Variants in CTNNA1 observed in about 807,000 individuals in gnomAD.
The protein encoded by CTNNA1 is catenin alpha-1.
CTNNA1 carries 37 observed loss-of-function variants against 98.4 expected under a neutral mutation model. That is an observed-to-expected ratio of 0.38 (90% CI 0.29 to 0.49). The LOEUF (loss-of-function observed/expected upper bound fraction) is 0.49, where lower values mean the gene tolerates loss of function less well. CTNNA1 is among the 20% of genes least tolerant of loss of function. CTNNA1 has a pLI of 0.95. For synonymous variants in CTNNA1, 404 were observed against 413.2 expected (o/e 0.98, Z 0.27); for missense variants, 761 against 1,147.2 (o/e 0.66, Z 4.86).
intron 1 of CTNNA1, among the ~76,000 whole-genome samples, chr5:138,767,765 A>G (rs1455723761): frequency 6.6e-6 from 1 of 152,226 alleles, no homozygotes; most frequent in Non-Finnish European, 1.5e-5. Flanking sequence ...AGTAAACTGC[A>G]GACCTCATGG....
At chr5:138,836,110 C>A (rs1761747772) in intron 7 of CTNNA1, among the ~76,000 whole-genome samples, 1 of 152,182 alleles carries the variant, frequency 6.6e-6, no homozygotes, top group Admixed American at 6.5e-5. Context: ...CTTGGCTTCC[C>A]AAAGTGTTGG....
intron 2 of CTNNA1, 48 bp downstream of exon 2, chr5:138,782,077 A>G: frequency 6.4e-7 from 1 of 1,555,296 alleles, no homozygotes; most frequent in Non-Finnish European, 8.7e-7. Context: ...TCTATAGCAC[A>G]GGCCTGGGTA....
rs75054595 is a variant in CTNNA1 at position 138,809,683 on chromosome 5, T to G, written c.302-355T>G. ...GGATGTGAGAGTAGATTTTATTAGA[T>G]ATGTTTTTTCTCCTGTTCAAATCTT... On this transcript the variant is annotated intron_variant, in intron 3 of 17. Coordinates refer to ENST00000302763, the MANE Select transcript of CTNNA1 (RefSeq NM_001903.5). Among the ~76,000 whole-genome samples, 4,193 of 152,262 alleles carry G rather than the reference T, an allele frequency of 0.028. 433 individuals carry two copies. In the East Asian group the frequency reaches 0.34, roughly 13 times the overall value.
chr5:138,825,482 G>GTTTTTTTTTGTTTT (rs1760586979), intron 6 of CTNNA1, among the ~76,000 whole-genome samples: 2 of 74,114 alleles, frequency 2.7e-5, no homozygotes, highest in Non-Finnish European at 4.8e-5. Context: ...AGCAGTATAA[G>GTTTTTTTTTGTTTT]TTTTTTTTTT....
At chr5:138,897,847 A>G (rs1757218406) in intron 9 of CTNNA1, among the ~76,000 whole-genome samples, 1 of 152,238 alleles carries the variant, frequency 6.6e-6, no homozygotes, top group South Asian at 2.1e-4. Context: ...AAGCAAAGGC[A>G]GTTGGATGAA....
intron 7 of CTNNA1, among the ~76,000 whole-genome samples, chr5:138,882,980 C>T (rs1474933122): frequency 2.0e-5 from 3 of 152,142 alleles, no homozygotes; most frequent in African/African-American, 7.2e-5. Flanking sequence ...AGGCACATGC[C>T]ACCACGCCTG....
At position 138,887,623 on chromosome 5, in the gene CTNNA1, A is replaced by G. The variant is rs756567640; in HGVS notation, c.1277A>G (p.His426Arg). 1.2e-6 allele frequency: 2 copies of G among 1,610,290 alleles called. No individual in the cohort carries two copies. Among genetic ancestry groups the G allele is most frequent in the Non-Finnish European group, 1.7e-6 (2 of 1,178,930 alleles). ...GAGTATGCCCAAGTTTTCCGTGAAC[A>G]TGCCAACAAATTGATTGAGGTAAGT... Reference protein sequence around the residue: ...VKEYAQVFREHANKLIEVANL... With the variant: ...VKEYAQVFRERANKLIEVANL... The change falls in exon 9 of 18, where the codon CAT becomes CGT. Residue 426 changes from histidine to arginine, a missense_variant. His to Arg is a conservative substitution (Grantham distance 29). This residue lies in a region of CTNNA1 where 287 missense variants were observed against 436.0 expected (regional missense o/e 0.66). Coordinates refer to ENST00000302763, the MANE Select transcript of CTNNA1 (RefSeq NM_001903.5).
intron 1 of CTNNA1, among the ~76,000 whole-genome samples, chr5:138,765,780 C>G (rs918027502): frequency 6.6e-6 from 1 of 151,680 alleles, no homozygotes; most frequent in East Asian, 2.0e-4. Context: ...GAAACCCCAT[C>G]TCTACTAAAA....
At chr5:138,865,865 T>G (rs1035191514) in intron 7 of CTNNA1, among the ~76,000 whole-genome samples, 23 of 152,336 alleles carry the variant, frequency 1.5e-4, no homozygotes, top group African/African-American at 5.5e-4. Flanking sequence ...GTAGGTTATG[T>G]GTAAATGATA....
At chr5:138,773,692 G>T (rs904962064) in intron 1 of CTNNA1, among the ~76,000 whole-genome samples, 22 of 152,150 alleles carry the variant, frequency 1.4e-4, no homozygotes, top group African/African-American at 5.1e-4. Flanking sequence ...CAGGATTAGG[G>T]AGGCTGAGTC....
At chr5:138,846,764 A>G (rs1178568048) in intron 7 of CTNNA1, among the ~76,000 whole-genome samples, 1 of 152,224 alleles carries the variant, frequency 6.6e-6, no homozygotes, top group Non-Finnish European at 1.5e-5. Flanking sequence ...ATAGTTAAAA[A>G]AAAACCCCTC....
chr5:138,776,333 CAT>C (rs1371995884), intron 1 of CTNNA1, among the ~76,000 whole-genome samples: 2 of 151,614 alleles, frequency 1.3e-5, no homozygotes, highest in Non-Finnish European at 2.9e-5. Flanking sequence ...GGACACACCA[CAT>C]GTTTCAGAGA....
At chr5:138,805,178 C>G (rs1213623903) in intron 3 of CTNNA1, among the ~76,000 whole-genome samples, 1 of 152,190 alleles carries the variant, frequency 6.6e-6, no homozygotes, top group Non-Finnish European at 1.5e-5. Flanking sequence ...AGAAACCACT[C>G]TTATGATCCA....
intron 9 of CTNNA1, among the ~76,000 whole-genome samples, chr5:138,900,025 G>C (rs956037563): frequency 5.9e-5 from 9 of 152,140 alleles, no homozygotes; most frequent in African/African-American, 1.7e-4. Context: ...CCTGGAAATT[G>C]GAAAGGTAGG....
chr5:138,832,608 G>A (rs944437647), intron 7 of CTNNA1, among the ~76,000 whole-genome samples: 3 of 152,010 alleles, frequency 2.0e-5, no homozygotes, highest in Non-Finnish European at 2.9e-5. Context: ...ATTCAGACAT[G>A]TGCATTAAAT....
At chr5:138,840,910 A>G (rs1371292666) in intron 7 of CTNNA1, among the ~76,000 whole-genome samples, 1 of 152,180 alleles carries the variant, frequency 6.6e-6, no homozygotes, top group African/African-American at 2.4e-5. Flanking sequence ...CCCCTCATTA[A>G]ATATAGTTAC....
intron 1 of CTNNA1, among the ~76,000 whole-genome samples, chr5:138,768,552 G>T (rs1753180992): frequency 6.8e-6 from 1 of 146,452 alleles, no homozygotes; most frequent in Non-Finnish European, 1.5e-5. Flanking sequence ...TGAGACAACG[G>T]TGTCTGTTTT....
chr5:138,783,460 A>G (rs1034299814), intron 3 of CTNNA1, 88 bp downstream of exon 3: 9 of 1,121,364 alleles, frequency 8.0e-6, no homozygotes, highest in Middle Eastern at 2.1e-4. Context: ...CAGTATTCTC[A>G]TTCTTATGCT....
At position 138,827,730 on chromosome 5, in the gene CTNNA1, A is replaced by T; in HGVS notation, c.1062+12A>T. On this transcript the variant is annotated intron_variant, in intron 7 of 17. Coordinates refer to ENST00000302763, the MANE Select transcript of CTNNA1 (RefSeq NM_001903.5). ...AGTACATGGGCAATGTGAGTTTGACAGCTTTTCTTTGAAGTAAGATATTTA... is the reference window on the plus strand; with the variant it reads ...AGTACATGGGCAATGTGAGTTTGACTGCTTTTCTTTGAAGTAAGATATTTA... The T allele has an allele frequency of 6.2e-7, 1 of 1,613,630 alleles. No homozygotes were observed. The highest frequency in any genetic ancestry group is 1.1e-5 in the South Asian group (1 of 91,060).
Sources: allele counts gnomAD v4.1 joint callset (sites outside exome capture counted in the v4.1 genomes callset), GRCh38; gene constraint gnomAD v4.1.1; regional missense constraint gnomAD v4.1.1; transcripts MANE v1.5; gene names NCBI Gene and HGNC (gene_info 2026-07-23, HGNC 2026-07-21).